Variants in LRRC37A2 observed in about 807,000 individuals in gnomAD.
LRRC37A2 encodes the protein leucine rich repeat containing 37 member A2.
A neutral mutation model predicts 68.8 loss-of-function variants in LRRC37A2; 9 were observed. The ratio of observed to expected loss-of-function variants is 0.13; its 90% CI spans 0.08 to 0.23. The LOEUF is 0.23. Ranked by LOEUF, LRRC37A2 falls within the 10% of genes least tolerant of loss-of-function variation. LRRC37A2 has a pLI of 1.00. For missense variants in LRRC37A2, 168 were observed against 950.4 expected (o/e 0.18, Z 10.82); for synonymous variants, 63 against 367.6 (o/e 0.17, Z 9.48).
At chr17:47,026,436 C>T in the LRRC37A2 span, among the ~76,000 whole-genome samples, 3 of 152,196 alleles carry the variant, frequency 2.0e-5, no homozygotes, top group South Asian at 6.2e-4. Flanking sequence ...CACGTTAGAA[C>T]TCAGTTCTGG....
chr17:47,021,780 A>G, the LRRC37A2 span: 3 of 1,075,366 alleles, frequency 2.8e-6, no homozygotes, highest in Admixed American at 1.8e-5. Flanking sequence ...CAAGGTTGCA[A>G]TGATTCTTTT....
the LRRC37A2 span, among the ~76,000 whole-genome samples, chr17:46,863,541 G>A: frequency 6.6e-6 from 1 of 152,200 alleles, no homozygotes; most frequent in African/African-American, 2.4e-5. Flanking sequence ...GATGGTTAGA[G>A]GGGGATGGGG....
At chr17:47,018,351 C>T in the LRRC37A2 span, 1 of 1,611,422 alleles carries the variant, frequency 6.2e-7, no homozygotes, top group Non-Finnish European at 8.5e-7. Context: ...AGGTCAGCCT[C>T]TAGAACATCA....
chr17:46,872,555 T>C, the LRRC37A2 span: 1 of 1,583,128 alleles, frequency 6.3e-7, no homozygotes, highest in Non-Finnish European at 8.6e-7. Context: ...TTCCCAGGAT[T>C]GGGCACTGCG....
chr17:46,929,554 C>T, the LRRC37A2 span: 151 of 1,569,240 alleles, frequency 9.6e-5, no homozygotes, highest in Non-Finnish European at 1.3e-4. Flanking sequence ...CATGGGACGC[C>T]TGGAGACGGC....
the LRRC37A2 span, chr17:46,923,162 A>T: frequency 2.8e-6 from 4 of 1,428,966 alleles, no homozygotes; most frequent in Non-Finnish European, 3.9e-6. Flanking sequence ...AGGAAGCCAG[A>T]GCCGGAGCCG....
At chr17:46,773,619 T>TCCCGGC in the LRRC37A2 span, 1 of 549,848 alleles carries the variant, frequency 1.8e-6, no homozygotes, top group Non-Finnish European at 3.2e-6. Context: ...ACAGTCCTGA[T>TCCCGGC]CCCTCCCCCC....
At chr17:46,708,155 GC>G in the LRRC37A2 span, among the ~76,000 whole-genome samples, 2 of 152,160 alleles carry the variant, frequency 1.3e-5, no homozygotes, top group African/African-American at 4.8e-5. Flanking sequence ...CATTAGCATG[GC>G]TGTACAGATA....
the LRRC37A2 span, among the ~76,000 whole-genome samples, chr17:46,900,198 TATATACACACACACACACAC>T: frequency 9.8e-5 from 9 of 92,070 alleles, no homozygotes; most frequent in African/African-American, 3.0e-4. Flanking sequence ...TATATATATA[TATATACACACACACACACAC>T]ACATATATAT....
the LRRC37A2 span, among the ~76,000 whole-genome samples, chr17:47,020,798 A>AAAAAAAAAAAAAAAAAAAAAC: frequency 6.9e-6 from 1 of 144,990 alleles, no homozygotes; most frequent in East Asian, 1.9e-4. Context: ...AAAAAAAAAA[A>AAAAAAAAAAAAAAAAAAAAAC]AAAAAAAATA....
At chr17:46,726,514 A>G in the LRRC37A2 span, 3 of 1,590,056 alleles carry the variant, frequency 1.9e-6, no homozygotes, top group Admixed American at 3.3e-5. Context: ...ACTGTGGAGG[A>G]CAGTGAGATA....
At chr17:46,820,482 G>T in the LRRC37A2 span, among the ~76,000 whole-genome samples, 4 of 151,984 alleles carry the variant, frequency 2.6e-5, no homozygotes, top group East Asian at 7.7e-4. Flanking sequence ...AAAGGGGCAG[G>T]GGGGAGGCGG....
At chr17:46,879,382 C>T in the LRRC37A2 span, among the ~76,000 whole-genome samples, 499 of 152,348 alleles carry the variant, frequency 3.3e-3, 2 homozygotes, top group African/African-American at 0.011. Flanking sequence ...CATCCAGACC[C>T]TCCTTGTGAT....
chr17:46,767,447 A>C, the LRRC37A2 span, among the ~76,000 whole-genome samples: 3 of 152,078 alleles, frequency 2.0e-5, no homozygotes, highest in Non-Finnish European at 4.4e-5. Context: ...CTTGCCCTCT[A>C]AGTTCAAGGT....
At chr17:46,534,398 TCTTAACGAGCATGCTG>T (rs2054248074) in intron 6 of LRRC37A2, among the ~76,000 whole-genome samples, 1 of 147,036 alleles carries the variant, frequency 6.8e-6, no homozygotes, top group Admixed American at 6.7e-5. Context: ...TGGTGATGAC[TCTTAACGAGCATGCTG>T]CTTTCAAGCA....
At chr17:46,585,312 C>T in the LRRC37A2 span, among the ~76,000 whole-genome samples, 13 of 98,626 alleles carry the variant, frequency 1.3e-4, no homozygotes, top group African/African-American at 4.6e-4. Context: ...AGCAAGACTC[C>T]ATCTCGAAAA....
chr17:46,894,274 C>T, the LRRC37A2 span, among the ~76,000 whole-genome samples: 28 of 152,338 alleles, frequency 1.8e-4, no homozygotes, highest in African/African-American at 6.7e-4. Flanking sequence ...CCTCATGGGA[C>T]TAACTTCACA....
At chr17:46,944,484 C>T in the LRRC37A2 span, among the ~76,000 whole-genome samples, 2 of 152,196 alleles carry the variant, frequency 1.3e-5, no homozygotes, top group African/African-American at 4.8e-5. Flanking sequence ...AGGCAGTGAC[C>T]CTCAGCCTGG....
chr17:46,978,331 T>A, the LRRC37A2 span: 1 of 373,766 alleles, frequency 2.7e-6, no homozygotes, highest in Non-Finnish European at 4.8e-6. Context: ...GCGACCGCAG[T>A]CCCAAATTGC....
Sources: allele counts gnomAD v4.1 joint callset (sites outside exome capture counted in the v4.1 genomes callset), GRCh38; gene constraint gnomAD v4.1.1; transcripts MANE v1.5; gene names NCBI Gene and HGNC (gene_info 2026-07-23, HGNC 2026-07-21).